The following PIGR variants were observed in gnomAD, a reference collection of about 807,000 sequenced individuals.
PIGR encodes hepatocellular carcinoma associated protein TB6.
PIGR carries 22 observed loss-of-function variants against 69.5 expected under a neutral mutation model. The observed-to-expected ratio is 0.32, with a 90% CI of 0.23 to 0.45. The LOEUF is 0.45. PIGR is among the 20% of genes least tolerant of loss of function. The pLI is 1.00. For synonymous variants in PIGR, 413 were observed against 407.6 expected, an observed-to-expected ratio of 1.01 and a Z score of -0.16; for missense variants, 885 against 974.0, an observed-to-expected ratio of 0.91 and a Z score of 1.22.
intron 7 of PIGR, 55 bp from the exon 8 acceptor site, chr1:206,932,632 G>A (rs1162589386): frequency 6.4e-7 from 1 of 1,550,588 alleles, no homozygotes; most frequent in Non-Finnish European, 8.7e-7. Flanking sequence ...GGGGCCCGAC[G>A]ATGTGCTGGC....
chr1:206,932,961 T>C, intron 7 of PIGR, 25 bp downstream of exon 7: 5 of 1,611,962 alleles, frequency 3.1e-6, no homozygotes, highest in South Asian at 1.1e-5. Context: ...GTTCTCCGAG[T>C]GGGGAGCCTT....
Position 206,930,444 on chromosome 1 carries a change from G to C in PIGR, c.2200-31C>G. 1 of 1,603,416 alleles carries C rather than the reference G, an allele frequency of 6.2e-7. No individual in the cohort carries two copies. The highest frequency in any genetic ancestry group is 8.5e-7 in the Non-Finnish European group (1 of 1,175,018). On this transcript the variant is annotated intron_variant, in intron 10 of 10. Transcript: ENST00000356495. The surrounding 1 kb of genome is among the most constrained non-coding windows in gnomAD (Gnocchi z 4.3). ...GGGCAAGAGGAGAGGCATCAGTGTT[G>C]GGGGCACTGGCTCAGTGGGTGGAGT...
intron 7 of PIGR, 135 bp from the exon 8 acceptor site, chr1:206,932,712 G>A (rs995427429): frequency 9.8e-6 from 11 of 1,121,602 alleles, no homozygotes; most frequent in Non-Finnish European, 1.2e-5. Flanking sequence ...CCCTAGCTCT[G>A]TTCTTCTAAG....
intron 10 of PIGR, chr1:206,931,090 G>A (rs1167278596): frequency 2.0e-6 from 2 of 985,324 alleles, no homozygotes; most frequent in Non-Finnish European, 2.4e-6. Context: ...CCTAGGCCCA[G>A]GCAAAAAGCT....
In PIGR at chr1:206,933,017, C is replaced by T. The variant is rs1288986631; in HGVS notation, c.1855G>A (p.Asp619Asn). The part of the protein sequence containing the change: ...KAVADTRDQA[D>N]GSRASVDSGS... The stretch of plus-strand genomic sequence containing the variant: ...GAATCCACAGATGCTCTGCTCCCAT[C>T]GGCTTGATCTCTTGTATCTGCCACC... The change falls in exon 7 of 11, where the codon GAT (aspartate) becomes AAT (asparagine). Residue 619 changes from aspartate (D) to asparagine (N), a missense_variant. Transcript: ENST00000356495. 4 of 1,614,172 alleles carry T rather than the reference C, an allele frequency of 2.5e-6. No individual in the cohort carries two copies. The highest frequency in any genetic ancestry group is 1.1e-5 in the South Asian group (1 of 91,082).
At chr1:206,940,293 C>T (rs1679956152) in intron 2 of PIGR, among the ~76,000 whole-genome samples, 196 bp downstream of exon 2, 1 of 152,214 alleles carries the variant, frequency 6.6e-6, no homozygotes, top group South Asian at 2.1e-4. Flanking sequence ...AAGTGCCATT[C>T]CTGTCCCTGA....
At chr1:206,933,631 T>C (rs1201256406) in intron 6 of PIGR, among the ~76,000 whole-genome samples, 1 of 152,226 alleles carries the variant, frequency 6.6e-6, no homozygotes, top group African/African-American at 2.4e-5. Context: ...AAACATTTCA[T>C]GTGAAATTTT....
chr1:206,938,320 G>C (rs577688602), intron 3 of PIGR, among the ~76,000 whole-genome samples: 1 of 152,334 alleles, frequency 6.6e-6, no homozygotes, highest in South Asian at 2.1e-4. Context: ...TGTCCGGTTA[G>C]GGTGAACTCT....
chr1:206,937,351 C>T lies in PIGR; in HGVS notation c.789G>A (p.Val263=), dbSNP rs760459288. ...GGCACAGAAATTTGGCCACGTTTGC[C>T]ACCTCAGGGCCCAGGGCACAGTGGA... ...VTFHCALGPE[V]ANVAKFLCRQ... The change falls in exon 4 of 11, where the codon GTG becomes GTA. Residue 263 remains valine (V), a synonymous_variant. Coordinates refer to ENST00000356495, the MANE Select transcript of PIGR (RefSeq NM_002644.4). The T allele has an allele frequency of 6.2e-7, 1 of 1,613,254 alleles. No individual in the cohort carries two copies. The highest frequency in any genetic ancestry group is 8.5e-7 in the Non-Finnish European group (1 of 1,179,418).
rs1008189943 is a variant in PIGR, at chr1:206,932,988, G to A, written c.1884C>T (p.Gly628=). The change falls in exon 7 of 11, where the codon GGC becomes GGT. Residue 628 remains glycine (G), a splice_region_variant and synonymous_variant. Coordinates refer to ENST00000356495, the MANE Select transcript of PIGR (RefSeq NM_002644.4). ...ADGSRASVDS[G]SSEEQGGSSR... is the part of the protein sequence containing the mutation. ...GGGAGCCTTGAATCCTTCCTTACCT[G>A]CCGGAATCCACAGATGCTCTGCTCC... 10 of 1,613,836 alleles carry A rather than the reference G, an allele frequency of 6.2e-6. No homozygotes were observed. In the Admixed American group the frequency reaches 1.3e-4, roughly 22 times the overall value.
intron 1 of PIGR, among the ~76,000 whole-genome samples, chr1:206,940,914 G>A (rs1679970305): frequency 1.3e-5 from 2 of 152,132 alleles, no homozygotes; most frequent in African/African-American, 2.4e-5. Flanking sequence ...TGGCTTGCTG[G>A]GTGATTGGTT....
Position 206,930,132 on chromosome 1 carries a change from C to T in PIGR, c.*186G>A. 2.1e-6 allele frequency: 1 copy of T among 466,668 alleles called. No individual in the cohort carries two copies. The highest frequency in any genetic ancestry group is 3.7e-6 in the Non-Finnish European group (1 of 267,140). The allele number at this position is 466,668 out of a possible 1,614,324, so 28.9% of individuals were successfully genotyped here. ...GACCTCCTCATGCCACCCTCATCCC[C>T]AATAGGAACAATTAGGCCAGGCTTT... On this transcript the variant is annotated 3_prime_UTR_variant, in exon 11 of 11. Transcript: ENST00000356495. This position sits in a 1 kb window ranked among gnomAD's most constrained non-coding sequence, Gnocchi z 4.3.
At chr1:206,940,826 G>A (rs74148892) in intron 1 of PIGR, among the ~76,000 whole-genome samples, 303 of 152,282 alleles carry the variant, frequency 2.0e-3, no homozygotes, top group African/African-American at 6.9e-3. Flanking sequence ...AGCTCCTTTG[G>A]GATAGAGATA....
rs1679723937 is a variant in PIGR at position 206,930,769 on chromosome 1, C to T, written c.2200-356G>A. The T allele has an allele frequency of 3.0e-6, 3 of 985,356 alleles. No individual in the cohort carries two copies. The South Asian group carries it at 1.4e-4, about 46-fold the overall frequency. 61.0% of individuals were successfully genotyped at this position (985,356 alleles called of 1,614,324 possible). A position where few individuals can be genotyped will look rare whatever the true frequency, so the allele number is the denominator to read the frequency against. ...GTGTATGTTTTTCTTTCTCCACCAG[C>T]CCAGACAGGTAGCTTTTTGGCACCA... On this transcript the variant is annotated intron_variant, in intron 10 of 10. Transcript: ENST00000356495. The surrounding 1 kb of genome is among the most constrained non-coding windows in gnomAD (Gnocchi z 4.3).
chr1:206,938,109 G>T (rs1242923619), intron 3 of PIGR, among the ~76,000 whole-genome samples: 1 of 152,202 alleles, frequency 6.6e-6, no homozygotes, highest in African/African-American at 2.4e-5. Context: ...AATGCCTCTG[G>T]GTAGTAGGTG....
At chr1:206,942,847 G>A (rs991233197) in intron 1 of PIGR, among the ~76,000 whole-genome samples, 6 of 152,202 alleles carry the variant, frequency 3.9e-5, no homozygotes, top group Non-Finnish European at 7.3e-5. Flanking sequence ...CAGGCAGGTC[G>A]GGCAGATGGC....
Position 206,939,207 on chromosome 1 carries a change from C to A in PIGR, c.300G>T (p.Leu100=). 1 of 1,614,194 alleles carries A rather than the reference C, an allele frequency of 6.2e-7. No homozygotes were observed. Among genetic ancestry groups the A allele is most frequent in the Non-Finnish European group, 8.5e-7 (1 of 1,180,032 alleles). The part of the protein sequence containing the change: ...NGTFVVNIAQ[L]SQDDSGRYKC... ...TGTAGCGCCCGGAGTCATCCTGGCTCAGCTGGGCAATGTTCACCACAAATG... is the reference window on the plus strand; with the variant it reads ...TGTAGCGCCCGGAGTCATCCTGGCTAAGCTGGGCAATGTTCACCACAAATG... The change falls in exon 3 of 11, where the codon CTG becomes CTT. Residue 100 remains leucine, a synonymous_variant. Coordinates refer to ENST00000356495, the MANE Select transcript of PIGR (RefSeq NM_002644.4).
chr1:206,943,305 C>T (rs893821084), intron 1 of PIGR, among the ~76,000 whole-genome samples: 2 of 152,194 alleles, frequency 1.3e-5, no homozygotes, highest in Non-Finnish European at 2.9e-5. Flanking sequence ...CCAAGACCCA[C>T]AGCAGAATCC....
rs543197815 is a variant in PIGR, at chr1:206,934,753, G to A, written c.1379-7C>T. ...ACCTTGAGGTTTGGTTCTCCTGGAG[G>A]AGGGAGGGAGGTAGAAATAAACACA... On this transcript the variant is annotated splice_region_variant and splice_polypyrimidine_tract_variant and intron_variant, in intron 5 of 10. Coordinates refer to ENST00000356495, the MANE Select transcript of PIGR (RefSeq NM_002644.4). The A allele has an allele frequency of 9.4e-5, 150 of 1,591,876 alleles. 3 individuals carry two copies. In the South Asian group the frequency reaches 1.6e-3, roughly 16 times the overall value.
Sources: allele counts gnomAD v4.1 joint callset (sites outside exome capture counted in the v4.1 genomes callset), GRCh38; gene constraint gnomAD v4.1.1; non-coding constraint Gnocchi (gnomAD v3.1); transcripts MANE v1.5; gene names NCBI Gene and HGNC (gene_info 2026-07-23, HGNC 2026-07-21).